Variants in NTM observed in about 807,000 individuals in gnomAD.
The protein encoded by NTM is neurotrimin.
NTM carries 13 observed loss-of-function variants against 42.1 expected under a neutral mutation model. That is an observed-to-expected ratio of 0.31 (90% confidence interval 0.20 to 0.49). The LOEUF is 0.49. NTM is among the 20% of genes least tolerant of loss of function. NTM has a pLI of 0.99. For missense variants in NTM, 373 were observed against 452.8 expected (o/e 0.82, Z 1.60); for synonymous variants, 187 against 179.2 (o/e 1.04, Z -0.35).
intron 2 of NTM, among the ~76,000 whole-genome samples, chr11:131,937,606 C>T (rs1050107049): frequency 1.3e-5 from 2 of 152,188 alleles, no homozygotes; most frequent in African/African-American, 4.8e-5. Flanking sequence ...CTGAAAGTGA[C>T]TTCTGGAATC....
intron 7 of NTM, among the ~76,000 whole-genome samples, chr11:132,321,231 C>A (rs1326556721): frequency 6.6e-6 from 1 of 152,102 alleles, no homozygotes; most frequent in Non-Finnish European, 1.5e-5. Context: ...TTGCTCTGAG[C>A]TACGGGAGGA....
intron 1 of NTM, among the ~76,000 whole-genome samples, chr11:131,680,436 T>A (rs2072296793): frequency 6.8e-6 from 1 of 147,914 alleles, no homozygotes; most frequent in Non-Finnish European, 1.5e-5. Flanking sequence ...TGTCTGTGTG[T>A]GAGATCATAT....
chr11:132,207,044 T>C (rs933315292), intron 3 of NTM, among the ~76,000 whole-genome samples: 1 of 152,200 alleles, frequency 6.6e-6, no homozygotes, highest in African/African-American at 2.4e-5. Flanking sequence ...TAGCACACCA[T>C]TGTGTAACAG....
At chr11:132,322,088 A>G (rs931556764) in intron 7 of NTM, among the ~76,000 whole-genome samples, 1 of 152,218 alleles carries the variant, frequency 6.6e-6, no homozygotes, top group Non-Finnish European at 1.5e-5. Context: ...CAAAATGTAA[A>G]GACCATCGAG....
At chr11:131,610,691 C>T (rs1030445747) in intron 1 of NTM, among the ~76,000 whole-genome samples, 1 of 152,048 alleles carries the variant, frequency 6.6e-6, no homozygotes, top group African/African-American at 2.4e-5. Context: ...ACCCGCAGAT[C>T]GATAGCATCT....
intron 2 of NTM, among the ~76,000 whole-genome samples, chr11:132,065,824 T>G (rs183862400): frequency 3.9e-4 from 60 of 152,330 alleles, no homozygotes; most frequent in African/African-American, 1.4e-3. Flanking sequence ...GCTCTTATCT[T>G]TATTGCTTAC....
rs146570331 is a variant in NTM, at chr11:131,396,446, G to C, written c.82+25558G>C. ...GATGTGTACACCTTCACACCTCTCGGTCTGTTGCTTTTAGATCATATTTCA... is the reference window on the plus strand; with the variant it reads ...GATGTGTACACCTTCACACCTCTCGCTCTGTTGCTTTTAGATCATATTTCA... On this transcript the variant is annotated intron_variant, in intron 1 of 8. Transcript: ENST00000683400. Among the ~76,000 whole-genome samples the C allele has an allele frequency of 4.0e-4, 61 of 152,138 alleles. No homozygotes were observed. The East Asian group carries it at 9.9e-3, about 25-fold the overall frequency.
At chr11:131,785,714 G>C (rs2089042690) in intron 1 of NTM, among the ~76,000 whole-genome samples, 1 of 152,204 alleles carries the variant, frequency 6.6e-6, no homozygotes, top group Non-Finnish European at 1.5e-5. Context: ...ATAGAGACCT[G>C]ATGAAGATGG....
chr11:132,285,526 T>C (rs1488397151), intron 4 of NTM, among the ~76,000 whole-genome samples: 2 of 152,102 alleles, frequency 1.3e-5, no homozygotes. Context: ...TGAGGCACAC[T>C]CCCTGCTGTT....
chr11:131,837,798 C>T (rs888568959), intron 1 of NTM, among the ~76,000 whole-genome samples: 35 of 152,114 alleles, frequency 2.3e-4, no homozygotes, highest in African/African-American at 8.4e-4. Flanking sequence ...CGGGTCCTCA[C>T]CTGGAGATGT....
rs142742733 is a variant in NTM, at chr11:131,948,763, C to A, written c.167+37115C>A. On this transcript the variant is annotated intron_variant, in intron 2 of 8. Transcript: ENST00000683400. ...ATGGCCCCACCGCCCCAGTGCTAGG[C>A]AATCTTTAGCACTCAATGCCCTGAG... is the stretch of plus-strand genomic sequence containing the variant. Among the ~76,000 whole-genome samples the A allele has an allele frequency of 5.9e-3, 896 of 152,306 alleles. 9 individuals carry two copies. The highest frequency in any genetic ancestry group is 0.02 in the African/African-American group (847 of 41,568).
At chr11:131,811,152 T>A (rs2092714405) in intron 1 of NTM, among the ~76,000 whole-genome samples, 1 of 152,132 alleles carries the variant, frequency 6.6e-6, no homozygotes, top group Admixed American at 6.5e-5. Flanking sequence ...TATATAGAGA[T>A]CTAGTGGTTA....
At chr11:132,218,098 T>C (rs1178889851) in intron 4 of NTM, among the ~76,000 whole-genome samples, 1 of 152,088 alleles carries the variant, frequency 6.6e-6, no homozygotes, top group Non-Finnish European at 1.5e-5. Context: ...CTGGAACTAA[T>C]GAGCAGCCTG....
chr11:131,876,139 A>G (rs958637896), intron 1 of NTM, among the ~76,000 whole-genome samples: 1 of 151,786 alleles, frequency 6.6e-6, no homozygotes, highest in Admixed American at 6.6e-5. Context: ...AAAGCGATTT[A>G]TCTGGTCTTT....
chr11:131,923,965 G>T (rs368834804), intron 2 of NTM, among the ~76,000 whole-genome samples: 1 of 152,202 alleles, frequency 6.6e-6, no homozygotes, highest in South Asian at 2.1e-4. Flanking sequence ...TAGGGGTTCC[G>T]GGCCAGTGTG....
At chr11:131,990,843 CTA>C (rs2066892745) in intron 2 of NTM, among the ~76,000 whole-genome samples, 1 of 152,152 alleles carries the variant, frequency 6.6e-6, no homozygotes, top group Non-Finnish European at 1.5e-5. Context: ...GCTCTATAAA[CTA>C]TTTTCCACAT....
chr11:131,392,416 G>A (rs1471662757), intron 1 of NTM, among the ~76,000 whole-genome samples: 1 of 151,956 alleles, frequency 6.6e-6, no homozygotes, highest in Non-Finnish European at 1.5e-5. Flanking sequence ...CCCCTGAAGG[G>A]ATGGGAGTCC....
At chr11:131,882,649 C>G (rs561537984) in intron 1 of NTM, among the ~76,000 whole-genome samples, 1 of 152,138 alleles carries the variant, frequency 6.6e-6, no homozygotes, top group African/African-American at 2.4e-5. Flanking sequence ...TTGGACTGAG[C>G]CTTCCATGAT....
At chr11:132,292,513 A>T (rs1490168617) in intron 4 of NTM, among the ~76,000 whole-genome samples, 1 of 152,130 alleles carries the variant, frequency 6.6e-6, no homozygotes, top group African/African-American at 2.4e-5. Flanking sequence ...AGCATGAAGA[A>T]GGGGAAAAAT....
Sources: allele counts gnomAD v4.1 joint callset (sites outside exome capture counted in the v4.1 genomes callset), GRCh38; gene constraint gnomAD v4.1.1; transcripts MANE v1.5; gene names NCBI Gene and HGNC (gene_info 2026-07-23, HGNC 2026-07-21).